TTC8: variants seen among roughly 807,000 people sequenced by gnomAD.
TTC8 encodes tetratricopeptide repeat domain 8.
In TTC8, 47 loss-of-function variants were observed where a neutral mutation model predicts 72.5. The observed-to-expected ratio is 0.65, with a 90% confidence interval of 0.51 to 0.83. The LOEUF is 0.83. TTC8 is among the 40% of genes least tolerant of loss of function. TTC8 has a pLI of 0.00. For synonymous variants in TTC8, 199 were observed against 221.4 expected (o/e 0.90, Z 0.90); for missense variants, 611 against 623.2 (o/e 0.98, Z 0.21).
At chr14:88,873,913 AG>A (rs1369952856) in intron 13 of TTC8, among the ~76,000 whole-genome samples, 1 of 152,230 alleles carries the variant, frequency 6.6e-6, no homozygotes, top group Non-Finnish European at 1.5e-5. Flanking sequence ...TGGTCTTCTA[AG>A]CACAATGATA....
At chr14:88,840,205 C>T (rs1595940416) in intron 3 of TTC8, 1 of 157,462 alleles carries the variant, frequency 6.4e-6, no homozygotes, top group South Asian at 1.9e-4. Context: ...TTGATCACAA[C>T]TCATTACAGA....
intron 7 of TTC8, among the ~76,000 whole-genome samples, chr14:88,845,484 G>C (rs2094802038): frequency 6.6e-6 from 1 of 152,134 alleles, no homozygotes; most frequent in African/African-American, 2.4e-5. Context: ...TATAGAATGT[G>C]GTGTTCATAG....
intron 11 of TTC8, among the ~76,000 whole-genome samples, chr14:88,870,588 C>T (rs1490772508): frequency 6.6e-6 from 1 of 152,196 alleles, no homozygotes; most frequent in Non-Finnish European, 1.5e-5. Flanking sequence ...GCCTCATGTT[C>T]TGAACCTTGA....
rs762461640 is a variant in TTC8 at position 88,824,810 on chromosome 14, C to A, written c.103C>A (p.Pro35Thr). The A allele has an allele frequency of 6.2e-7, 1 of 1,613,062 alleles. No individual in the cohort carries two copies. The highest frequency in any genetic ancestry group is 2.2e-5 in the East Asian group (1 of 44,858). ...ATGCACGCAGATGCTGGAGAAGTCC[C>A]CTTATGACCAGGTACCGGCCAGCTC... ...DLCTQMLEKSPYDQEPDPELP... is the reference protein window; with the variant it reads ...DLCTQMLEKSTYDQEPDPELP... Residue 35 changes from proline to threonine, a missense_variant, in exon 1 of 15, where the codon CCT becomes ACT. Pro to Thr is a conservative substitution (Grantham distance 38). Coordinates refer to ENST00000380656, the MANE Select transcript of TTC8 (RefSeq NM_144596.4).
intron 3 of TTC8, 135 bp downstream of exon 3, chr14:88,839,707 G>A: frequency 2.8e-6 from 3 of 1,061,868 alleles, no homozygotes; most frequent in Middle Eastern, 3.1e-4. Context: ...CAAAAATGAT[G>A]AAAAAACCAT....
Position 88,877,538 on chromosome 14 carries a change from AGGTGACACATAAG to A in TTC8, c.*138_*150del. The A allele has an allele frequency of 1.3e-6, 1 of 773,982 alleles. No individual in the cohort carries two copies. Among genetic ancestry groups the A allele is most frequent in the South Asian group, 1.4e-5 (1 of 69,814 alleles). 47.9% of individuals were successfully genotyped at this position (773,982 alleles called of 1,614,324 possible). ...ACAAACCTGTCCTTGATATTAGTTA[AGGTGACACATAAG>A]GGTGACACAGAATGTGTAATGCAAA... On this transcript the variant is annotated 3_prime_UTR_variant, in exon 15 of 15. Coordinates refer to ENST00000380656, the MANE Select transcript of TTC8 (RefSeq NM_144596.4).
intron 5 of TTC8, 65 bp from the exon 6 acceptor site, chr14:88,841,360 A>G: frequency 6.2e-7 from 1 of 1,604,218 alleles, no homozygotes; most frequent in Non-Finnish European, 8.5e-7. Context: ...TTTTATGCAT[A>G]TTAAACTTGT....
At chr14:88,852,919 C>A in intron 7 of TTC8, 52 bp from the exon 8 acceptor site, 3 of 1,439,628 alleles carry the variant, frequency 2.1e-6, no homozygotes, top group Non-Finnish European at 2.0e-6. Flanking sequence ...ATTTTCCTGA[C>A]TGCTTATTGT....
chr14:88,849,601 C>A (rs1400712325), intron 7 of TTC8, among the ~76,000 whole-genome samples: 1 of 151,890 alleles, frequency 6.6e-6, no homozygotes, highest in Non-Finnish European at 1.5e-5. Flanking sequence ...CCATGGAAAA[C>A]GATTTTTCTG....
At chr14:88,845,451 T>C (rs2094801767) in intron 7 of TTC8, among the ~76,000 whole-genome samples, 1 of 152,150 alleles carries the variant, frequency 6.6e-6, no homozygotes, top group Admixed American at 6.5e-5. Flanking sequence ...CATTGAAATG[T>C]AGGGGACAGC....
At chr14:88,842,686 G>T (rs1007752745) in intron 6 of TTC8, among the ~76,000 whole-genome samples, 5 of 152,140 alleles carry the variant, frequency 3.3e-5, no homozygotes, top group African/African-American at 4.8e-5. Flanking sequence ...GATCTGGTCT[G>T]TTACTAGATT....
chr14:88,841,720 A>G (rs2094782581), intron 6 of TTC8, among the ~76,000 whole-genome samples: 1 of 152,220 alleles, frequency 6.6e-6, no homozygotes, highest in Admixed American at 6.5e-5. Context: ...CCATTATTAT[A>G]GGAAATTCTT....
chr14:88,853,093 C>T (rs765313582), intron 8 of TTC8, 37 bp downstream of exon 8: 4 of 1,516,776 alleles, frequency 2.6e-6, no homozygotes, highest in Non-Finnish European at 3.7e-6. Context: ...TAGAAGTGGC[C>T]ACGTATTTTA....
At chr14:88,839,215 A>G (rs2094767689) in intron 2 of TTC8, among the ~76,000 whole-genome samples, 1 of 152,142 alleles carries the variant, frequency 6.6e-6, no homozygotes, top group Non-Finnish European at 1.5e-5. Context: ...GAAGACTACC[A>G]GGTAATTACC....
chr14:88,837,953 C>T (rs557429261), intron 2 of TTC8, among the ~76,000 whole-genome samples: 8 of 151,980 alleles, frequency 5.3e-5, no homozygotes, highest in East Asian at 3.9e-4. Context: ...GTGTTAAATT[C>T]ATACATAACA....
At chr14:88,865,350 T>C (rs1466289993) in intron 10 of TTC8, among the ~76,000 whole-genome samples, 2 of 152,212 alleles carry the variant, frequency 1.3e-5, no homozygotes, top group African/African-American at 4.8e-5. Context: ...ATTGATTCTG[T>C]TGCAGAACAA....
In TTC8 at chr14:88,862,541, C is replaced by CATATATATAT. The variant is rs71130022; in HGVS notation, c.909+1256_909+1265dup. Among the ~76,000 whole-genome samples, 43 of 23,804 alleles carry CATATATATAT rather than the reference C, an allele frequency of 1.8e-3. 3 individuals are homozygous for CATATATATAT. Among genetic ancestry groups the CATATATATAT allele is most frequent in the East Asian group, 4.3e-3 (2 of 466 alleles). 15.6% of individuals were successfully genotyped at this position (23,804 alleles called of 152,430 possible). A position where few individuals can be genotyped will look rare whatever the true frequency, so the allele number is the denominator to read the frequency against. On this transcript the variant is annotated intron_variant, in intron 10 of 14. Transcript: ENST00000380656. Reference sequence around the variant, plus strand: ...ATTCCATTCTCTCTCTCTCTCTCTCCATATATATATATATATATATATATA... The same window carrying CATATATATAT: ...ATTCCATTCTCTCTCTCTCTCTCTCCATATATATATATATATATATATATATATATATATA...
intron 8 of TTC8, among the ~76,000 whole-genome samples, chr14:88,855,316 G>A (rs186172223): frequency 3.3e-5 from 5 of 152,234 alleles, no homozygotes; most frequent in Admixed American, 6.5e-5. Flanking sequence ...AAATAAGCAC[G>A]CAGTTGACAC....
chr14:88,829,807 T>A (rs1170081306), intron 1 of TTC8, among the ~76,000 whole-genome samples: 2 of 152,290 alleles, frequency 1.3e-5, no homozygotes, highest in East Asian at 1.9e-4. Context: ...AAACCAGGGC[T>A]CCCCAATGAG....
Sources: allele counts gnomAD v4.1 joint callset (sites outside exome capture counted in the v4.1 genomes callset), GRCh38; gene constraint gnomAD v4.1.1; transcripts MANE v1.5; gene names NCBI Gene and HGNC (gene_info 2026-07-23, HGNC 2026-07-21).